The following PDE1A variants were observed in gnomAD, a reference collection of about 807,000 sequenced individuals.
PDE1A encodes the protein dual specificity calcium/calmodulin-dependent 3',5'-cyclic nucleotide phosphodiesterase 1A.
PDE1A carries 35 observed loss-of-function variants against 61.7 expected under a neutral mutation model. The ratio of observed to expected loss-of-function variants is 0.57; its 90% CI spans 0.43 to 0.75. PDE1A has a LOEUF of 0.75. PDE1A is among the 30% of genes least tolerant of loss of function. The pLI, the probability that PDE1A is intolerant of heterozygous loss-of-function variation, is 0.00. For synonymous variants in PDE1A, 232 were observed against 213.2 expected, an observed-to-expected ratio of 1.09 and a Z score of -0.77; for missense variants, 597 against 630.6, an observed-to-expected ratio of 0.95 and a Z score of 0.57.
At chr2:182,210,183 G>A (rs967356361) in intron 7 of PDE1A, among the ~76,000 whole-genome samples, 3 of 152,134 alleles carry the variant, frequency 2.0e-5, no homozygotes, top group Admixed American at 1.3e-4. Flanking sequence ...TGGATCATAT[G>A]GTAAGAGTAG....
intron 1 of PDE1A, among the ~76,000 whole-genome samples, chr2:182,347,864 A>G (rs1698611322): frequency 6.6e-6 from 1 of 152,172 alleles, no homozygotes. Context: ...AGGAGCATAA[A>G]AACTGAAAAT....
At chr2:182,628,950 C>T in the PDE1A span, among the ~76,000 whole-genome samples, 12 of 152,122 alleles carry the variant, frequency 7.9e-5, no homozygotes, top group East Asian at 1.9e-3. Context: ...TATTTCATTT[C>T]GTAAGACTCC....
chr2:182,522,133 G>T, intron 2 of PDE1A: 1 of 647,952 alleles, frequency 1.5e-6, no homozygotes, highest in Non-Finnish European at 2.7e-6. Flanking sequence ...TCAACAAGTT[G>T]TTAGCTGAGG....
the PDE1A span, among the ~76,000 whole-genome samples, chr2:182,642,973 T>A: frequency 6.6e-6 from 1 of 152,180 alleles, no homozygotes; most frequent in Non-Finnish European, 1.5e-5. Flanking sequence ...GGGACAGGCA[T>A]GTGCCCAAGC....
intron 7 of PDE1A, 152 bp downstream of exon 7, chr2:182,223,712 C>G (rs1688916023): frequency 2.0e-6 from 1 of 510,102 alleles, no homozygotes; most frequent in African/African-American, 2.0e-5. Context: ...TTAATTGATT[C>G]AATTGTTAGC....
intron 6 of PDE1A, among the ~76,000 whole-genome samples, chr2:182,227,260 TA>T (rs993134551): frequency 2.0e-5 from 3 of 152,064 alleles, no homozygotes; most frequent in Non-Finnish European, 4.4e-5. Flanking sequence ...ACTTAGGACT[TA>T]AAATGTAATT....
chr2:182,395,385 G>A (rs1701645981), intron 1 of PDE1A, among the ~76,000 whole-genome samples: 1 of 152,156 alleles, frequency 6.6e-6, no homozygotes. Context: ...AGCAAACACT[G>A]GACTTATTGG....
chr2:182,606,121 C>T, the PDE1A span, among the ~76,000 whole-genome samples: 9 of 152,264 alleles, frequency 5.9e-5, no homozygotes, highest in South Asian at 1.7e-3. Context: ...AGCACTGTCA[C>T]AGAAAGAATA....
chr2:182,596,866 A>G, the PDE1A span, among the ~76,000 whole-genome samples: 5 of 152,196 alleles, frequency 3.3e-5, no homozygotes, highest in Admixed American at 1.3e-4. Flanking sequence ...AAGAATCTAA[A>G]CACACTGCCA....
intron 13 of PDE1A, among the ~76,000 whole-genome samples, chr2:182,156,954 T>C (rs1008544467): frequency 2.0e-5 from 3 of 151,454 alleles, no homozygotes; most frequent in South Asian, 4.1e-4. Context: ...AACCCTGTTA[T>C]CATTTTTGTT....
chr2:182,334,267 G>GGAAGAC (rs1553588846), intron 1 of PDE1A, among the ~76,000 whole-genome samples: 1 of 145,712 alleles, frequency 6.9e-6, no homozygotes, highest in Non-Finnish European at 1.5e-5. Context: ...CCCTGGAAGA[G>GGAAGAC]ACACACACAC....
the PDE1A span, among the ~76,000 whole-genome samples, chr2:182,647,634 A>T: frequency 6.6e-6 from 1 of 152,210 alleles, no homozygotes; most frequent in Admixed American, 6.5e-5. Context: ...TTTTCTGAGC[A>T]GATAAGACTT....
the PDE1A span, among the ~76,000 whole-genome samples, chr2:182,645,342 T>C: frequency 6.6e-6 from 1 of 152,256 alleles, no homozygotes; most frequent in Non-Finnish European, 1.5e-5. Flanking sequence ...TATTCCGTTT[T>C]ACCTGATGAA....
the PDE1A span, among the ~76,000 whole-genome samples, chr2:182,658,073 CA>C: frequency 8.4e-6 from 1 of 119,564 alleles, no homozygotes; most frequent in African/African-American, 3.4e-5. Context: ...AAAAAAAAAA[CA>C]AAAAAACTTT....
At chr2:182,142,509 C>G (rs1027827219), downstream of PDE1A, 10 of 152,306 alleles carry the variant, frequency 6.6e-5, no homozygotes, top group Admixed American at 5.2e-4. Context: ...CTTCAACCAG[C>G]TCCTCAGCAT....
At chr2:182,647,230 G>A in the PDE1A span, among the ~76,000 whole-genome samples, 2 of 152,168 alleles carry the variant, frequency 1.3e-5, no homozygotes, top group Non-Finnish European at 2.9e-5. Flanking sequence ...GCACTCACCT[G>A]TGTCCCTGTA....
chr2:182,545,766 T>C, the PDE1A span, among the ~76,000 whole-genome samples: 2 of 152,196 alleles, frequency 1.3e-5, no homozygotes, highest in East Asian at 3.8e-4. Flanking sequence ...AAAGGCCAAA[T>C]CTGTGATCTT....
the PDE1A span, among the ~76,000 whole-genome samples, chr2:182,669,220 C>T: frequency 2.0e-5 from 3 of 152,208 alleles, no homozygotes; most frequent in African/African-American, 7.2e-5. Flanking sequence ...ATTTACAGGA[C>T]TCCAAAGATC....
At chr2:182,229,428 C>G (rs757765446) in intron 6 of PDE1A, among the ~76,000 whole-genome samples, 5 of 152,104 alleles carry the variant, frequency 3.3e-5, no homozygotes, top group Non-Finnish European at 5.9e-5. Context: ...ACAAAAATTC[C>G]CAACTCTCTC....
Sources: gnomAD v4.1 joint callset for allele counts (sites outside exome capture counted in the v4.1 genomes callset) on GRCh38, gnomAD v4.1.1 for gene constraint, MANE v1.5 for transcripts, NCBI Gene and HGNC (gene_info 2026-07-23, HGNC 2026-07-21) for gene names.